The following ELOB variants were observed in gnomAD, a reference collection of about 807,000 sequenced individuals.
ELOB encodes the protein elongin-B.
Under a neutral mutation model 12.9 loss-of-function variants are expected in ELOB, and 3 were observed. The ratio of observed to expected loss-of-function variants is 0.23; its 90% CI spans 0.11 to 0.60. ELOB has a LOEUF of 0.60. ELOB is among the 20% of genes least tolerant of loss of function. The pLI, the probability that ELOB is intolerant of heterozygous loss-of-function variation, is 0.89. For missense variants in ELOB, 126 were observed against 159.2 expected (o/e 0.79, Z 1.12); for synonymous variants, 84 against 67.4 (o/e 1.25, Z -1.21).
At chr16:2,775,958 A>G (rs2068797480) in intron 2 of ELOB, among the ~76,000 whole-genome samples, 2 of 152,124 alleles carry the variant, frequency 1.3e-5, no homozygotes, top group Non-Finnish European at 1.5e-5. Context: ...AAGCGCTATC[A>G]TAGCCCCCTC....
rs1441518180 is a variant in ELOB at position 2,771,481 on chromosome 16, C to T, written c.*509G>A. 2 of 1,614,078 alleles carry T rather than the reference C, an allele frequency of 1.2e-6. No individual in the cohort carries two copies. Among genetic ancestry groups the T allele is most frequent in the Non-Finnish European group, 1.7e-6 (2 of 1,180,036 alleles). On this transcript the variant is annotated 3_prime_UTR_variant, in exon 4 of 4. Coordinates refer to ENST00000409906, the MANE Select transcript of ELOB (RefSeq NM_007108.4). ...CCACTTCCCTCCGTGATTACAGCCC[C>T]CAGCGTGGGTGGACCTGTGTGGGTC... is the stretch of plus-strand genomic sequence containing the variant.
At position 2,771,956 on chromosome 16, in the gene ELOB, CTT is replaced by C. The variant is rs1327326399; in HGVS notation, c.*32_*33del. On this transcript the variant is annotated 3_prime_UTR_variant, in exon 4 of 4. Coordinates refer to ENST00000409906, the MANE Select transcript of ELOB (RefSeq NM_007108.4). Reference sequence around the variant, plus strand: ...AGCAACCAGGCAGACTCCCAAATCTCTTTTATTGGGGGAAATGGGCCTCTTGG... The same window carrying C: ...AGCAACCAGGCAGACTCCCAAATCTCTTATTGGGGGAAATGGGCCTCTTGG... The C allele has an allele frequency of 6.3e-7, 1 of 1,587,462 alleles. No individual in the cohort carries two copies. Among genetic ancestry groups the C allele is most frequent in the Non-Finnish European group, 8.6e-7 (1 of 1,168,576 alleles).
At chr16:2,776,933 G>A (rs1448299473) in intron 2 of ELOB, 60 bp downstream of exon 2, 6 of 1,519,502 alleles carry the variant, frequency 3.9e-6, no homozygotes, top group Non-Finnish European at 5.3e-6. Flanking sequence ...GACAGCGTAG[G>A]CGTCAGCCCC....
Position 2,771,738 on chromosome 16 carries a change from A to G in ELOB, c.*252T>C, listed in dbSNP as rs1472148258. On this transcript the variant is annotated 3_prime_UTR_variant, in exon 4 of 4. Transcript: ENST00000409906. ...CCTGGCGTGGTTGGTGTGGCTGGCT[A>G]GCTGCTAACAATGGCTTGGGTCTCA... 6.5e-7 allele frequency: 1 copy of G among 1,527,202 alleles called. No homozygotes were observed. Among genetic ancestry groups the G allele is most frequent in the Non-Finnish European group, 8.8e-7 (1 of 1,141,262 alleles). The allele number at this position is 1,527,202 out of a possible 1,614,324, so 94.6% of individuals were successfully genotyped here.
At chr16:2,776,409 G>A (rs1023859245) in intron 2 of ELOB, among the ~76,000 whole-genome samples, 3 of 152,180 alleles carry the variant, frequency 2.0e-5, no homozygotes, top group Non-Finnish European at 4.4e-5. Context: ...CCCCAATGCA[G>A]ACCCCAAACC....
At chr16:2,772,282 A>G (rs901212633) in intron 3 of ELOB, 180 bp from the exon 4 acceptor site, 26 of 688,458 alleles carry the variant, frequency 3.8e-5, no homozygotes, top group African/African-American at 3.4e-4. Context: ...CCCCACGGTA[A>G]TGTCTCCTAC....
At position 2,771,451 on chromosome 16, in the gene ELOB, G is replaced by A. The variant is rs760693721; in HGVS notation, c.*539C>T. 1 of 1,614,058 alleles carries A rather than the reference G, an allele frequency of 6.2e-7. No homozygotes were observed. Among genetic ancestry groups the A allele is most frequent in the African/African-American group, 1.3e-5 (1 of 74,930 alleles). ...CTGTTTATTAAAGGTGTGTTAAGGGGGCAGCCACTTCCCTCCGTGATTACA... is the reference window on the plus strand; with the variant it reads ...CTGTTTATTAAAGGTGTGTTAAGGGAGCAGCCACTTCCCTCCGTGATTACA... On this transcript the variant is annotated 3_prime_UTR_variant, in exon 4 of 4. Transcript: ENST00000409906.
intron 2 of ELOB, among the ~76,000 whole-genome samples, chr16:2,776,024 G>C (rs2068797873): frequency 6.6e-6 from 1 of 152,154 alleles, no homozygotes; most frequent in African/African-American, 2.4e-5. Flanking sequence ...CAGAGTAGCT[G>C]GGACTACAGG....
rs1487439618 is a variant in ELOB, at chr16:2,777,068, G to A, written c.63C>T (p.Ser21=). Residue 21 remains serine (S), a synonymous_variant, in exon 2 of 4, where the codon TCC becomes TCT. Coordinates refer to ENST00000409906, the MANE Select transcript of ELOB (RefSeq NM_007108.4). ...KTTIFTDAKE[S]STVFELKRIV... Reference sequence around the variant, plus strand: ...TGCGCTTCAGTTCGAACACCGTGCTGGACTCCTTGGCGTCCGTGAAGATGG... The same window carrying A: ...TGCGCTTCAGTTCGAACACCGTGCTAGACTCCTTGGCGTCCGTGAAGATGG... 1 of 1,604,652 alleles carries A rather than the reference G, an allele frequency of 6.2e-7. No homozygotes were observed.
In ELOB at chr16:2,771,625, T is replaced by TA; in HGVS notation, c.*364dup. 1 of 1,613,018 alleles carries TA rather than the reference T, an allele frequency of 6.2e-7. No individual in the cohort carries two copies. Among genetic ancestry groups the TA allele is most frequent in the African/African-American group, 1.3e-5 (1 of 74,988 alleles). On this transcript the variant is annotated 3_prime_UTR_variant, in exon 4 of 4. Transcript: ENST00000409906. ...GCAGGCTATGGGGGTGGGGGGCACT[T>TA]AGAAGGAGAAAGGCCTAAAACTGGA... is the stretch of plus-strand genomic sequence containing the variant.
intron 2 of ELOB, among the ~76,000 whole-genome samples, chr16:2,776,323 T>C (rs1470890311): frequency 6.6e-6 from 1 of 152,196 alleles, no homozygotes; most frequent in African/African-American, 2.4e-5. Flanking sequence ...TTTCCAGCTC[T>C]AGAATCTGAA....
Position 2,777,147 on chromosome 16 carries a change from G to C in ELOB, c.4-20C>G. 2.1e-6 allele frequency: 3 copies of C among 1,457,848 alleles called. No individual in the cohort carries two copies. The highest frequency in any genetic ancestry group is 2.7e-6 in the Non-Finnish European group (3 of 1,092,628). 90.3% of individuals were successfully genotyped at this position (1,457,848 alleles called of 1,614,324 possible). On this transcript the variant is annotated intron_variant, in intron 1 of 3. Transcript: ENST00000409906. ...CACGTCCTGGGGGCGGCGGGCCGGC[G>C]TGAGCACGAAGCCCGGGCCCCCCGC...
intron 3 of ELOB, among the ~76,000 whole-genome samples, chr16:2,773,287 A>T (rs1345947827): frequency 1.3e-5 from 2 of 152,010 alleles, no homozygotes; most frequent in Non-Finnish European, 2.9e-5. Flanking sequence ...TAGTGGGTAG[A>T]GGCCTGGGAT....
chr16:2,772,230 G>C, intron 3 of ELOB, 128 bp from the exon 4 acceptor site: 1 of 1,165,890 alleles, frequency 8.6e-7, no homozygotes, highest in Non-Finnish European at 1.2e-6. Context: ...CACGGCTGTA[G>C]TCTCCACAGC....
Position 2,775,309 on chromosome 16 carries a change from G to C in ELOB, c.244+142C>G, listed in dbSNP as rs2068792497. ...AAAAATGAGGAAACAAACACATTGT[G>C]AAAGGATATTGCCAGCCCTTTAGGC... On this transcript the variant is annotated intron_variant, in intron 3 of 3. Transcript: ENST00000409906. 7 of 500,642 alleles carry C rather than the reference G, an allele frequency of 1.4e-5. No homozygotes were observed. The South Asian group carries it at 2.5e-4, about 18-fold the overall frequency. The allele number at this position is 500,642 out of a possible 1,614,324, so 31.0% of individuals were successfully genotyped here. A position where few individuals can be genotyped will look rare whatever the true frequency, so the allele number is the denominator to read the frequency against.
chr16:2,774,890 G>C (rs1054250246), intron 3 of ELOB, among the ~76,000 whole-genome samples: 1 of 152,130 alleles, frequency 6.6e-6, no homozygotes, highest in Non-Finnish European at 1.5e-5. Context: ...CCCAGCAGAT[G>C]ACCTAACCTC....
At chr16:2,775,593 A>AGGCCCTACG in intron 2 of ELOB, 37 bp from the exon 3 acceptor site, 1 of 1,573,636 alleles carries the variant, frequency 6.4e-7, no homozygotes, top group Non-Finnish European at 8.6e-7. Flanking sequence ...GAGGCCCTAC[A>AGGCCCTACG]TGGGGCAAGT....
At chr16:2,772,783 T>C (rs1053397745) in intron 3 of ELOB, among the ~76,000 whole-genome samples, 4 of 152,078 alleles carry the variant, frequency 2.6e-5, no homozygotes, top group Non-Finnish European at 4.4e-5. Flanking sequence ...CATCATGACC[T>C]GAATACCACC....
intron 2 of ELOB, among the ~76,000 whole-genome samples, chr16:2,775,986 G>A (rs2068797678): frequency 6.6e-6 from 1 of 152,260 alleles, no homozygotes; most frequent in South Asian, 2.1e-4. Flanking sequence ...GAACTCCTGG[G>A]CTCAAGCAAT....
Sources: gnomAD v4.1 joint callset for allele counts (sites outside exome capture counted in the v4.1 genomes callset) on GRCh38, gnomAD v4.1.1 for gene constraint, MANE v1.5 for transcripts, NCBI Gene and HGNC (gene_info 2026-07-23, HGNC 2026-07-21) for gene names.